The following KCNJ10 variants were observed in gnomAD, a reference collection of about 807,000 sequenced individuals.
KCNJ10 encodes potassium inwardly rectifying channel subfamily J member 10.
KCNJ10 carries 9 observed loss-of-function variants against 22.2 expected under a neutral mutation model. The ratio of observed to expected loss-of-function variants is 0.40; its 90% CI spans 0.24 to 0.71. The LOEUF is 0.71. KCNJ10 is among the 30% of genes least tolerant of loss of function. The probability of loss-of-function intolerance (pLI) is 0.35; values close to 1 mark genes in which losing one functional copy is unlikely to be tolerated. For synonymous variants in KCNJ10, 184 were observed against 187.3 expected (o/e 0.98, Z 0.15); for missense variants, 337 against 482.7 (o/e 0.70, Z 2.83).
At chr1:160,052,802 G>A (rs1443275463) in intron 1 of KCNJ10, among the ~76,000 whole-genome samples, 3 of 152,136 alleles carry the variant, frequency 2.0e-5, no homozygotes, top group African/African-American at 7.2e-5. Context: ...ATAGGGGTTG[G>A]TATTAGTTTC....
chr1:160,041,265 G>A lies in KCNJ10; in HGVS notation c.*128C>T, dbSNP rs1648592909. On this transcript the variant is annotated 3_prime_UTR_variant, in exon 2 of 2. Transcript: ENST00000644903. The surrounding 1 kb of genome is among the most constrained non-coding windows in gnomAD (Gnocchi z 4.4). ...TGGCCTAAGCTACCAACAGGCCACT[G>A]GGTTAAAGAAGAGGGAGTGGAGGAT... 2 of 973,280 alleles carry A rather than the reference G, an allele frequency of 2.1e-6. No individual in the cohort carries two copies. The highest frequency in any genetic ancestry group is 3.1e-6 in the Non-Finnish European group (2 of 637,146). 60.3% of individuals were successfully genotyped at this position (973,280 alleles called of 1,614,324 possible).
At chr1:160,064,885 CA>C (rs1480275015) in intron 1 of KCNJ10, 1 of 152,296 alleles carries the variant, frequency 6.6e-6, no homozygotes, top group Admixed American at 6.5e-5. Flanking sequence ...GGTGACCTCA[CA>C]TGTCTGCCAC....
At chr1:160,044,034 C>T (rs556652919) in intron 1 of KCNJ10, among the ~76,000 whole-genome samples, 24 of 152,274 alleles carry the variant, frequency 1.6e-4, no homozygotes, top group African/African-American at 5.3e-4. Context: ...CCACCCCACC[C>T]CCCATCTCTA....
At chr1:160,062,893 C>T (rs1222351841) in intron 1 of KCNJ10, among the ~76,000 whole-genome samples, 1 of 152,138 alleles carries the variant, frequency 6.6e-6, no homozygotes, top group Admixed American at 6.5e-5. Flanking sequence ...GAGATCTCCA[C>T]CTGCTCTGGT....
intron 1 of KCNJ10, among the ~76,000 whole-genome samples, chr1:160,053,050 TAGGGC>T (rs1334626550): frequency 6.6e-6 from 1 of 152,346 alleles, no homozygotes; most frequent in Admixed American, 6.5e-5. Flanking sequence ...CTGTAGATTC[TAGGGC>T]ACAAATTCCC....
Position 160,041,552 on chromosome 1 carries a change from A to G in KCNJ10, c.981T>C (p.Phe327=), listed in dbSNP as rs926668743. 4 of 1,614,080 alleles carry G rather than the reference A, an allele frequency of 2.5e-6. No individual in the cohort carries two copies. Among genetic ancestry groups the G allele is most frequent in the Admixed American group, 3.3e-5 (2 of 60,010 alleles). The change falls in exon 2 of 2, where the codon TTT becomes TTC. Residue 327 remains phenylalanine (F), a synonymous_variant. Transcript: ENST00000644903. This position sits in a 1 kb window ranked among gnomAD's most constrained non-coding sequence, Gnocchi z 4.4. ...CTTTCACAACTTGGTCAAAAAGGCTAAAGTCAGCTATGTATTTACCACTGG... is the reference window on the plus strand; with the variant it reads ...CTTTCACAACTTGGTCAAAAAGGCTGAAGTCAGCTATGTATTTACCACTGG... ...LSASGKYIAD[F]SLFDQVVKVA... is the part of the protein sequence containing the mutation.
rs1256988793 is a variant in KCNJ10 at position 160,041,182 on chromosome 1, T to C, written c.*211A>G. Reference sequence around the variant, plus strand: ...CCTGGCTTAAGGGAGGTATGTGTATTGGGGCAGAAGCTGGGGAAGTGGAAA... The same window carrying C: ...CCTGGCTTAAGGGAGGTATGTGTATCGGGGCAGAAGCTGGGGAAGTGGAAA... On this transcript the variant is annotated 3_prime_UTR_variant, in exon 2 of 2. Coordinates refer to ENST00000644903, the MANE Select transcript of KCNJ10 (RefSeq NM_002241.5). The surrounding 1 kb of genome is among the most constrained non-coding windows in gnomAD (Gnocchi z 4.4). 3 of 611,020 alleles carry C rather than the reference T, an allele frequency of 4.9e-6. No homozygotes were observed. The highest frequency in any genetic ancestry group is 5.9e-6 in the Non-Finnish European group (2 of 341,816). 37.8% of individuals were successfully genotyped at this position (611,020 alleles called of 1,614,324 possible).
chr1:160,041,485 C>G lies in KCNJ10; in HGVS notation c.1048G>C (p.Gly350Arg). ...SGLRDSTVRYGDPEKLKLEES... is the reference protein window; with the variant it reads ...SGLRDSTVRYRDPEKLKLEES... Reference sequence around the variant, plus strand: ...TCCAACTTGAGCTTTTCAGGGTCTCCGTAGCGTACAGTGCTGTCACGGAGG... The same window carrying G: ...TCCAACTTGAGCTTTTCAGGGTCTCGGTAGCGTACAGTGCTGTCACGGAGG... The change falls in exon 2 of 2, where the codon GGA becomes CGA. Residue 350 changes from glycine (G) to arginine (R), a missense_variant. By Grantham distance (125) the Gly-to-Arg change is moderately radical. This residue lies in a region of KCNJ10 where 65 missense variants were observed against 66.0 expected (regional missense o/e 0.98). Transcript: ENST00000644903. The surrounding 1 kb of genome is among the most constrained non-coding windows in gnomAD (Gnocchi z 4.4). 6.2e-7 allele frequency: 1 copy of G among 1,614,138 alleles called. No homozygotes were observed.
At chr1:160,049,206 A>G (rs1390231932) in intron 1 of KCNJ10, among the ~76,000 whole-genome samples, 2 of 152,136 alleles carry the variant, frequency 1.3e-5, no homozygotes, top group South Asian at 2.1e-4. Flanking sequence ...CTAGCTCAAA[A>G]CATTTTAATG....
At chr1:160,062,261 G>A (rs903783192) in intron 1 of KCNJ10, among the ~76,000 whole-genome samples, 5 of 152,196 alleles carry the variant, frequency 3.3e-5, no homozygotes, top group Non-Finnish European at 5.9e-5. Flanking sequence ...TGGGGCGAAG[G>A]GGGGGTGGTG....
At chr1:160,068,365 T>G (rs1334872561) in intron 1 of KCNJ10, among the ~76,000 whole-genome samples, 1 of 150,746 alleles carries the variant, frequency 6.6e-6, no homozygotes, top group Non-Finnish European at 1.5e-5. Flanking sequence ...GAGTGGGGGG[T>G]GGGGGGATGG....
At position 160,041,535 on chromosome 1, in the gene KCNJ10, A is replaced by G. The variant is rs750091894; in HGVS notation, c.998T>C (p.Val333Ala). ...GCCACTAGGAGAGGCCACTTTCACA[A>G]CTTGGTCAAAAAGGCTAAAGTCAGC... The part of the protein sequence containing the change: ...YIADFSLFDQ[V>A]VKVASPSGLR... The change falls in exon 2 of 2, where the codon GTT becomes GCT. Residue 333 changes from valine to alanine, a missense_variant. This residue lies in a region of KCNJ10 where 65 missense variants were observed against 66.0 expected (regional missense o/e 0.98). Transcript: ENST00000644903. This position sits in a 1 kb window ranked among gnomAD's most constrained non-coding sequence, Gnocchi z 4.4. 3.7e-6 allele frequency: 6 copies of G among 1,614,022 alleles called. No homozygotes were observed. Among genetic ancestry groups the G allele is most frequent in the South Asian group, 1.1e-5 (1 of 91,078 alleles).
At chr1:160,068,675 C>T (rs1479099906) in intron 1 of KCNJ10, among the ~76,000 whole-genome samples, 1 of 152,214 alleles carries the variant, frequency 6.6e-6, no homozygotes, top group Admixed American at 6.5e-5. Context: ...AAACTTGGTC[C>T]CCTATACCCA....
intron 1 of KCNJ10, chr1:160,067,971 CG>C (rs1394211137): frequency 6.6e-6 from 1 of 152,130 alleles, no homozygotes; most frequent in African/African-American, 2.4e-5. Context: ...GGAAGGTCCC[CG>C]GGTCCTCTGC....
At position 160,041,447 on chromosome 1, in the gene KCNJ10, C is replaced by T. The variant is rs1370606315; in HGVS notation, c.1086G>A (p.Arg362=). ...PEKLKLEESL[R]EQAEKEGSAL... ...CACTGCCCTCCTTCTCAGCTTGCTCCCTTAATGACTCCTCCAACTTGAGCT... is the reference window on the plus strand; with the variant it reads ...CACTGCCCTCCTTCTCAGCTTGCTCTCTTAATGACTCCTCCAACTTGAGCT... Residue 362 remains arginine (R), a synonymous_variant, in exon 2 of 2, where the codon AGG becomes AGA. Coordinates refer to ENST00000644903, the MANE Select transcript of KCNJ10 (RefSeq NM_002241.5). This position sits in a 1 kb window ranked among gnomAD's most constrained non-coding sequence, Gnocchi z 4.4. 3.1e-6 allele frequency: 5 copies of T among 1,614,098 alleles called. No individual in the cohort carries two copies. Among genetic ancestry groups the T allele is most frequent in the Non-Finnish European group, 4.2e-6 (5 of 1,180,020 alleles).
chr1:160,041,837 G>A lies in KCNJ10; in HGVS notation c.696C>T (p.Asn232=). 4 of 1,614,232 alleles carry A rather than the reference G, an allele frequency of 2.5e-6. No homozygotes were observed. The highest frequency in any genetic ancestry group is 1.7e-5 in the Admixed American group (1 of 60,036). The change falls in exon 2 of 2, where the codon AAC becomes AAT. Residue 232 remains asparagine, a synonymous_variant. Coordinates refer to ENST00000644903, the MANE Select transcript of KCNJ10 (RefSeq NM_002241.5). The surrounding 1 kb of genome is among the most constrained non-coding windows in gnomAD (Gnocchi z 4.4). ...QTKEGENIRL[N]QVNVTFQVDT... is the part of the protein sequence containing the mutation. ...CTACTTGGAAAGTCACATTGACCTG[G>A]TTGAGCCGGATGTTCTCCCCTTCCT...
intron 1 of KCNJ10, among the ~76,000 whole-genome samples, chr1:160,045,888 A>C (rs1453869739): frequency 2.6e-5 from 4 of 152,258 alleles, no homozygotes; most frequent in African/African-American, 9.6e-5. Context: ...AGGAACAATC[A>C]GGGAGTTCAT....
intron 1 of KCNJ10, among the ~76,000 whole-genome samples, chr1:160,048,227 G>GGCCACCCTGAGGGCTGCAGTTTTTATCT (rs67364310): frequency 0.096 from 14,580 of 152,016 alleles, 825 homozygotes; most frequent in East Asian, 0.18. Context: ...GACGGGCCAA[G>GGCCACCCTGAGGGCTGCAGTTTTTATCT]GCCTCACAGG....
intron 1 of KCNJ10, among the ~76,000 whole-genome samples, chr1:160,064,313 T>C (rs1274368593): frequency 6.6e-6 from 1 of 152,204 alleles, no homozygotes; most frequent in Non-Finnish European, 1.5e-5. Context: ...TATTTCACAG[T>C]GTTCAGTAGA....
Sources: gnomAD v4.1 joint callset for allele counts (sites outside exome capture counted in the v4.1 genomes callset) on GRCh38, gnomAD v4.1.1 for gene constraint, gnomAD v4.1.1 regional missense constraint, Gnocchi (gnomAD v3.1) non-coding constraint, MANE v1.5 for transcripts, NCBI Gene and HGNC (gene_info 2026-07-23, HGNC 2026-07-21) for gene names.